Variants in MYRF observed in about 807,000 individuals in gnomAD.
The protein encoded by MYRF is myelin regulatory factor.
A neutral mutation model predicts 126.3 loss-of-function variants in MYRF; 16 were observed. The ratio of observed to expected loss-of-function variants is 0.13; its 90% CI spans 0.09 to 0.19. The LOEUF (loss-of-function observed/expected upper bound fraction) is 0.19. MYRF is among the 10% of genes least tolerant of loss of function. MYRF has a pLI of 1.00. For synonymous variants in MYRF, 608 were observed against 635.3 expected (o/e 0.96, Z 0.65); for missense variants, 1,104 against 1,547.0 (o/e 0.71, Z 4.80).
At chr11:61,758,330 C>T (rs1257707022) in intron 1 of MYRF, among the ~76,000 whole-genome samples, 3 of 152,240 alleles carry the variant, frequency 2.0e-5, no homozygotes, top group Non-Finnish European at 4.4e-5. Flanking sequence ...GCCTCCCTCA[C>T]TCCCCTCTCT....
intron 1 of MYRF, among the ~76,000 whole-genome samples, chr11:61,763,446 T>G (rs978804545): frequency 6.6e-6 from 1 of 152,240 alleles, no homozygotes; most frequent in South Asian, 2.1e-4. Context: ...TGAGAAGCAC[T>G]GGGAGATACT....
Position 61,755,361 on chromosome 11 carries a change from G to A in MYRF, c.46+2571G>A, listed in dbSNP as rs2135670113. The A allele has an allele frequency of 1.9e-6, 3 of 1,603,788 alleles. No homozygotes were observed. The South Asian group carries it at 3.4e-5, about 18-fold the overall frequency. ...GTGACCGCCCGGCTAATCCCCTAGA[G>A]AGAGGCAAGGCAGCCCAGATCGGCG... On this transcript the variant is annotated intron_variant, in intron 1 of 26. Transcript: ENST00000278836.
chr11:61,770,153 G>T, intron 4 of MYRF, 93 bp from the exon 5 acceptor site: 1 of 1,306,442 alleles, frequency 7.7e-7, no homozygotes, highest in Non-Finnish European at 1.0e-6. Flanking sequence ...CTCAGGACGG[G>T]GTGGAAGCAG....
intron 7 of MYRF, among the ~76,000 whole-genome samples, chr11:61,773,289 A>G (rs1345815638): frequency 6.6e-6 from 1 of 152,158 alleles, no homozygotes; most frequent in African/African-American, 2.4e-5. Flanking sequence ...CACCTGGCCC[A>G]GTTGCTCTTT....
intron 7 of MYRF, 129 bp from the exon 8 acceptor site, chr11:61,773,838 C>A: frequency 1.4e-6 from 1 of 718,674 alleles, no homozygotes. Context: ...GTGGGGGCAG[C>A]CGCATTGGTG....
rs752506828 is a variant in MYRF, at chr11:61,769,337, A to T, written c.460+16A>T. 3 of 1,602,426 alleles carry T rather than the reference A, an allele frequency of 1.9e-6. No homozygotes were observed. The East Asian group carries it at 6.7e-5, about 36-fold the overall frequency. ...CAGGTGAATGGTGAGTCCAGCGGGCACCGCCCTCCTGCTCCAGGGTTTGGG... is the reference window on the plus strand; with the variant it reads ...CAGGTGAATGGTGAGTCCAGCGGGCTCCGCCCTCCTGCTCCAGGGTTTGGG... On this transcript the variant is annotated intron_variant, in intron 4 of 26. Coordinates refer to ENST00000278836, the MANE Select transcript of MYRF (RefSeq NM_001127392.3).
rs1015181891 is a variant in MYRF, at chr11:61,783,854, T to A, written c.3123T>A (p.Pro1041=). 3.7e-6 allele frequency: 6 copies of A among 1,605,456 alleles called. No individual in the cohort carries two copies. The highest frequency in any genetic ancestry group is 5.1e-6 in the Non-Finnish European group (6 of 1,175,790). Residue 1041 remains proline, a synonymous_variant, in exon 24 of 27, where the codon CCT becomes CCA. Coordinates refer to ENST00000278836, the MANE Select transcript of MYRF (RefSeq NM_001127392.3). This position sits in a 1 kb window ranked among gnomAD's most constrained non-coding sequence, Gnocchi z 4.6. ...GGTGCCAGTTTTGCCCCTGCAGGCCTGGGAACTTCACCTACCACATCCCTG... is the reference window on the plus strand; with the variant it reads ...GGTGCCAGTTTTGCCCCTGCAGGCCAGGGAACTTCACCTACCACATCCCTG... The part of the protein sequence containing the change: ...QYCAPGDACR[P]GNFTYHIPVS...
rs775910984 is a variant in MYRF, at chr11:61,781,348, T to C, written c.2764+19T>C. 2.3e-5 allele frequency: 37 copies of C among 1,611,040 alleles called. No homozygotes were observed. In the South Asian group the frequency reaches 3.6e-4, roughly 16 times the overall value. On this transcript the variant is annotated intron_variant, in intron 21 of 26. Coordinates refer to ENST00000278836, the MANE Select transcript of MYRF (RefSeq NM_001127392.3). The stretch of plus-strand genomic sequence containing the variant: ...CGCTCAGGTAAGGCTTTCTGTGGGC[T>C]GGGGCTTGGGGCGGGGGCTACCTGC...
chr11:61,778,698 C>A lies in MYRF; in HGVS notation c.2013+209C>A. 1 of 660,644 alleles carries A rather than the reference C, an allele frequency of 1.5e-6. No individual in the cohort carries two copies. The highest frequency in any genetic ancestry group is 1.5e-5 in the South Asian group (1 of 65,926). The allele number at this position is 660,644 out of a possible 1,614,324, so 40.9% of individuals were successfully genotyped here. On this transcript the variant is annotated intron_variant, in intron 14 of 26. Transcript: ENST00000278836. This position sits in a 1 kb window ranked among gnomAD's most constrained non-coding sequence, Gnocchi z 4.6. The stretch of plus-strand genomic sequence containing the variant: ...GTGGGTAGGGATTTGGCCCCTGGAG[C>A]CTGTGTGATCAAGGGCAAGAGAAAC...
chr11:61,775,605 G>T (rs142649682), intron 8 of MYRF, among the ~76,000 whole-genome samples: 17 of 152,278 alleles, frequency 1.1e-4, no homozygotes, highest in Non-Finnish European at 2.2e-4. Context: ...GGAGACGTGG[G>T]TATGGAGAGG....
In MYRF at chr11:61,770,228, C is replaced by A; in HGVS notation, c.461-18C>A. The A allele has an allele frequency of 1.3e-6, 2 of 1,578,000 alleles. No homozygotes were observed. Among genetic ancestry groups the A allele is most frequent in the Non-Finnish European group, 1.7e-6 (2 of 1,162,716 alleles). ...GTGAGGTTGGTCTCAGATGCCCGCT[C>A]CCCCATCTCTCCTGCAGAGCCCCAC... On this transcript the variant is annotated intron_variant, in intron 4 of 26. Transcript: ENST00000278836.
At chr11:61,759,372 A>G (rs2065845088) in intron 1 of MYRF, among the ~76,000 whole-genome samples, 1 of 152,196 alleles carries the variant, frequency 6.6e-6, no homozygotes, top group South Asian at 2.1e-4. Flanking sequence ...TGGGTCTCCT[A>G]GAAGAGAGGG....
At chr11:61,780,437 G>A in intron 18 of MYRF, 147 bp downstream of exon 18, 1 of 765,946 alleles carries the variant, frequency 1.3e-6, no homozygotes, top group Non-Finnish European at 2.1e-6. Context: ...ATCCAGGGAG[G>A]GCCTCCTTGG....
intron 5 of MYRF, 111 bp from the exon 6 acceptor site, chr11:61,771,389 C>CG: frequency 7.0e-7 from 1 of 1,423,030 alleles, no homozygotes; most frequent in Non-Finnish European, 9.4e-7. Flanking sequence ...GTCCTCTGGG[C>CG]GGGGCACATC....
At chr11:61,772,392 C>T (rs1438106252) in intron 7 of MYRF, among the ~76,000 whole-genome samples, 1 of 152,232 alleles carries the variant, frequency 6.6e-6, no homozygotes, top group Non-Finnish European at 1.5e-5. Flanking sequence ...CAGATGGCTC[C>T]ATCTTTCCAG....
In MYRF at chr11:61,776,191, T is replaced by G; in HGVS notation, c.1388+59T>G. 2 of 1,603,562 alleles carry G rather than the reference T, an allele frequency of 1.2e-6. No homozygotes were observed. Among genetic ancestry groups the G allele is most frequent in the Non-Finnish European group, 1.7e-6 (2 of 1,170,820 alleles). On this transcript the variant is annotated intron_variant, in intron 9 of 26. Transcript: ENST00000278836. This position sits in a 1 kb window ranked among gnomAD's most constrained non-coding sequence, Gnocchi z 4.3. The stretch of plus-strand genomic sequence containing the variant: ...GAAGGGTCCACAACTAAAGCTGGCT[T>G]GGGAATGGAGGGGCCAGGGAGGTAC...
intron 3 of MYRF, chr11:61,766,965 G>A: frequency 2.2e-6 from 1 of 454,386 alleles, no homozygotes; most frequent in Non-Finnish European, 4.4e-6. Flanking sequence ...TCCAACTTCA[G>A]CTTCCCCATT....
At chr11:61,760,171 G>A (rs998000643) in intron 1 of MYRF, among the ~76,000 whole-genome samples, 45 of 152,270 alleles carry the variant, frequency 3.0e-4, no homozygotes, top group African/African-American at 1.1e-3. Context: ...GTTTCACCAT[G>A]TTGATCAAGC....
chr11:61,773,662 T>A (rs2066287563), intron 7 of MYRF, among the ~76,000 whole-genome samples: 1 of 152,104 alleles, frequency 6.6e-6, no homozygotes, highest in Non-Finnish European at 1.5e-5. Context: ...CCTCCCCCAC[T>A]CAGGAGTTCC....
Sources: allele counts gnomAD v4.1 joint callset (sites outside exome capture counted in the v4.1 genomes callset), GRCh38; gene constraint gnomAD v4.1.1; non-coding constraint Gnocchi (gnomAD v3.1); transcripts MANE v1.5; gene names NCBI Gene and HGNC (gene_info 2026-07-23, HGNC 2026-07-21).